CRACD: variants seen among roughly 807,000 people sequenced by gnomAD.
CRACD encodes capping protein-inhibiting regulator of actin dynamics.
Under a neutral mutation model 106.8 loss-of-function variants are expected in CRACD, and 56 were observed. The observed-to-expected ratio is 0.52, with a 90% CI of 0.42 to 0.66. CRACD has a LOEUF of 0.66. CRACD is among the 30% of genes least tolerant of loss of function. CRACD has a pLI of 0.00. For synonymous variants in CRACD, 754 were observed against 670.8 expected (o/e 1.12, Z -1.92); for missense variants, 1,730 against 1,623.2 (o/e 1.07, Z -1.13).
intron 1 of CRACD, among the ~76,000 whole-genome samples, chr4:56,105,285 G>A (rs1431560202): frequency 6.6e-6 from 1 of 152,172 alleles, no homozygotes; most frequent in Non-Finnish European, 1.5e-5. Flanking sequence ...GATCACTTGA[G>A]GCCAGGAGTT....
chr4:56,297,664 C>A (rs1010808605), intron 3 of CRACD, among the ~76,000 whole-genome samples: 2 of 152,174 alleles, frequency 1.3e-5, no homozygotes, highest in African/African-American at 4.8e-5. Context: ...ATATGCAAAG[C>A]CTGTCAGAAT....
chr4:56,178,353 T>TA (rs1736673245), intron 1 of CRACD, among the ~76,000 whole-genome samples: 1 of 152,170 alleles, frequency 6.6e-6, no homozygotes, highest in Non-Finnish European at 1.5e-5. Context: ...CTGTGCCTCC[T>TA]AAAAAACCAG....
Position 56,314,687 on chromosome 4 carries a change from C to T in CRACD, c.1185C>T (p.Gly395=), listed in dbSNP as rs1451918791. The T allele has an allele frequency of 5.8e-6, 9 of 1,549,160 alleles. No individual in the cohort carries two copies. The highest frequency in any genetic ancestry group is 1.2e-5 in the South Asian group (1 of 84,018). Residue 395 remains glycine, a synonymous_variant, in exon 8 of 11, where the codon GGC becomes GGT. Coordinates refer to ENST00000682029, the MANE Select transcript of CRACD (RefSeq NM_001393381.1). This position sits in a 1 kb window ranked among gnomAD's most constrained non-coding sequence, Gnocchi z 4.4. ...ALEETGEGRR[G]AEEEDLGEEE... ...AGGAGACTGGGGAGGGCCGGCGGGGCGCGGAGGAGGAGGATCTGGGGGAAG... is the reference window on the plus strand; with the variant it reads ...AGGAGACTGGGGAGGGCCGGCGGGGTGCGGAGGAGGAGGATCTGGGGGAAG...
chr4:56,189,019 A>T (rs1218098938), intron 2 of CRACD, among the ~76,000 whole-genome samples: 2 of 152,156 alleles, frequency 1.3e-5, no homozygotes, highest in African/African-American at 4.8e-5. Flanking sequence ...CCCCATGTCT[A>T]CTAAAAATAC....
intron 2 of CRACD, among the ~76,000 whole-genome samples, chr4:56,216,953 G>A (rs1738722798): frequency 1.5e-5 from 2 of 137,020 alleles, no homozygotes; most frequent in African/African-American, 5.4e-5. Context: ...GCAGTCCGCA[G>A]TCCGGCCTGG....
intron 1 of CRACD, among the ~76,000 whole-genome samples, chr4:56,108,021 A>T (rs913226032): frequency 6.6e-6 from 1 of 152,122 alleles, no homozygotes; most frequent in Non-Finnish European, 1.5e-5. Flanking sequence ...AGAACTACTC[A>T]TTTTTGCAGC....
At chr4:56,282,374 T>C (rs992137877) in intron 3 of CRACD, among the ~76,000 whole-genome samples, 19 of 152,204 alleles carry the variant, frequency 1.2e-4, no homozygotes, top group Admixed American at 1.0e-3. Flanking sequence ...TCTCCTTTTT[T>C]GGATGGGAAG....
intron 1 of CRACD, among the ~76,000 whole-genome samples, chr4:56,095,530 G>A (rs139610046): frequency 2.6e-5 from 4 of 152,236 alleles, no homozygotes; most frequent in East Asian, 1.9e-4. Flanking sequence ...GGCTATCAGC[G>A]GGAAGAGTGA....
rs575264744 is a variant in CRACD at position 56,223,159 on chromosome 4, G to A, written c.-189+43729G>A. ...GATAATGAGCACCTGAACTAAGGCA[G>A]TGTGGCTTTAATCTCTTTTTAAACC... On this transcript the variant is annotated intron_variant, in intron 2 of 10. Transcript: ENST00000682029. Among the ~76,000 whole-genome samples the A allele has an allele frequency of 2.6e-5, 4 of 151,706 alleles. No individual in the cohort carries two copies. In the South Asian group the frequency reaches 8.3e-4, roughly 32 times the overall value.
At chr4:56,145,053 G>T (rs1009146628) in intron 1 of CRACD, among the ~76,000 whole-genome samples, 2 of 152,124 alleles carry the variant, frequency 1.3e-5, no homozygotes, top group African/African-American at 4.8e-5. Flanking sequence ...CTCCCAAAGT[G>T]CTGAGATTAC....
intron 1 of CRACD, among the ~76,000 whole-genome samples, chr4:56,153,662 C>T (rs1034694315): frequency 3.3e-5 from 5 of 152,202 alleles, no homozygotes; most frequent in African/African-American, 7.2e-5. Flanking sequence ...TGTAATTCCT[C>T]TCAAAATGAA....
chr4:56,053,758 C>G (rs1731953144), intron 1 of CRACD, among the ~76,000 whole-genome samples: 1 of 152,094 alleles, frequency 6.6e-6, no homozygotes. Flanking sequence ...TCAAAGCTGA[C>G]AATTTAAAAA....
rs1400646828 is a variant in CRACD, at chr4:56,097,823, C to T, written c.-336+48524C>T. 3.3e-5 allele frequency among the ~76,000 whole-genome samples: 5 copies of T among 152,044 alleles called. No individual in the cohort carries two copies. The East Asian group carries it at 7.7e-4, about 23-fold the overall frequency. ...GAGAACAGGATGGAATGATTGCTGTCGTTAATAATTTCAGAGAAGTAGCAT... is the reference window on the plus strand; with the variant it reads ...GAGAACAGGATGGAATGATTGCTGTTGTTAATAATTTCAGAGAAGTAGCAT... On this transcript the variant is annotated intron_variant, in intron 1 of 10. Transcript: ENST00000682029.
rs1191307188 is a variant in CRACD, at chr4:56,049,284, C to T, written c.-351C>T. The T allele has an allele frequency of 6.6e-6, 1 of 151,476 alleles. No homozygotes were observed. The highest frequency in any genetic ancestry group is 6.6e-5 in the Admixed American group (1 of 15,188). 9.4% of individuals were successfully genotyped at this position (151,476 alleles called of 1,614,324 possible). A position where few individuals can be genotyped will look rare whatever the true frequency, so the allele number is the denominator to read the frequency against. On this transcript the variant is annotated 5_prime_UTR_variant, in exon 1 of 11. Transcript: ENST00000682029. ...CCAGCCGCTCTGCCAGCCGGAGCGC[C>T]AGGCGGGGACCTCAGGTGAGCGCCT...
At chr4:56,296,330 G>GTT (rs146933676) in intron 3 of CRACD, among the ~76,000 whole-genome samples, 1 of 149,328 alleles carries the variant, frequency 6.7e-6, no homozygotes, top group African/African-American at 2.5e-5. Context: ...ACTCCACACA[G>GTT]TTTTTTTTTT....
chr4:56,145,557 T>C (rs1490457300), intron 1 of CRACD, among the ~76,000 whole-genome samples: 2 of 152,156 alleles, frequency 1.3e-5, no homozygotes, highest in Admixed American at 1.3e-4. Flanking sequence ...ATTTAATAAA[T>C]CTCTTTGTTT....
Position 56,089,141 on chromosome 4 carries a change from A to G in CRACD, c.-336+39842A>G, listed in dbSNP as rs577205634. On this transcript the variant is annotated intron_variant, in intron 1 of 10. Coordinates refer to ENST00000682029, the MANE Select transcript of CRACD (RefSeq NM_001393381.1). The stretch of plus-strand genomic sequence containing the variant: ...TCACCAGTAAAGTGTAGCATTTAGA[A>G]TGTCCCCTAAAAGTCTGGGACCACA... Among the ~76,000 whole-genome samples, 122 of 152,342 alleles carry G rather than the reference A, an allele frequency of 8.0e-4. 3 individuals carry two copies. In the South Asian group the frequency reaches 0.025, roughly 31 times the overall value.
chr4:56,250,058 A>T (rs1328039078), intron 2 of CRACD, among the ~76,000 whole-genome samples: 1 of 152,210 alleles, frequency 6.6e-6, no homozygotes, highest in Non-Finnish European at 1.5e-5. Flanking sequence ...ATTGCCCTGT[A>T]AAATATCTAA....
chr4:56,122,614 T>C (rs1417314479), intron 1 of CRACD, among the ~76,000 whole-genome samples: 2 of 152,220 alleles, frequency 1.3e-5, no homozygotes, highest in Admixed American at 6.5e-5. Flanking sequence ...GATGCACTTA[T>C]CTCCTTCTGC....
Sources: gnomAD v4.1 joint callset for allele counts (sites outside exome capture counted in the v4.1 genomes callset) on GRCh38, gnomAD v4.1.1 for gene constraint, Gnocchi (gnomAD v3.1) non-coding constraint, MANE v1.5 for transcripts, NCBI Gene and HGNC (gene_info 2026-07-23, HGNC 2026-07-21) for gene names.